Variants in CNTNAP4 observed in about 807,000 individuals in gnomAD.
The protein encoded by CNTNAP4 is contactin-associated protein-like 4.
In CNTNAP4, 98 loss-of-function variants were observed where a neutral mutation model predicts 148.4. The observed-to-expected ratio is 0.66, with a 90% CI of 0.56 to 0.78. The LOEUF (loss-of-function observed/expected upper bound fraction) is 0.78, where lower values mean the gene tolerates loss of function less well. Among genes scored for constraint, CNTNAP4 ranks in the 30% least tolerant of loss-of-function variants. The pLI is 0.00. For missense variants in CNTNAP4, 1,935 were observed against 1,565.6 expected, an observed-to-expected ratio of 1.24 and a Z score of -3.98; for synonymous variants, 730 against 565.1, an observed-to-expected ratio of 1.29 and a Z score of -4.14.
chr16:76,345,467 G>T (rs1238609605), intron 2 of CNTNAP4, among the ~76,000 whole-genome samples: 1 of 152,210 alleles, frequency 6.6e-6, no homozygotes, highest in Admixed American at 6.5e-5. Context: ...TGTGACAGAG[G>T]TCAAGAGTAT....
At position 76,507,239 on chromosome 16, in the gene CNTNAP4, T is replaced by A. The variant is rs1483633763; in HGVS notation, c.2365+8545T>A. 1.8e-4 allele frequency among the ~76,000 whole-genome samples: 18 copies of A among 97,458 alleles called. 8 individuals are homozygous for A. In the East Asian group the frequency reaches 9.5e-3, roughly 52 times the overall value. 63.9% of individuals were successfully genotyped at this position (97,458 alleles called of 152,430 possible). On this transcript the variant is annotated intron_variant, in intron 15 of 23. Transcript: ENST00000611870. ...TGTTACAAATAATCTAATTATACTA[T>A]TTTTGTTATTTTAAAATGTACAATT...
At chr16:76,458,831 A>G (rs1049554864) in intron 8 of CNTNAP4, among the ~76,000 whole-genome samples, 5 of 152,224 alleles carry the variant, frequency 3.3e-5, no homozygotes, top group African/African-American at 1.2e-4. Flanking sequence ...CTCTGGGTAT[A>G]GACCCAGTAA....
intron 14 of CNTNAP4, among the ~76,000 whole-genome samples, chr16:76,495,426 A>G (rs1333857689): frequency 6.6e-6 from 1 of 152,118 alleles, no homozygotes; most frequent in African/African-American, 2.4e-5. Flanking sequence ...TCTACCTATA[A>G]AAGCTTTAAA....
At chr16:76,318,571 T>C (rs562409175) in intron 2 of CNTNAP4, among the ~76,000 whole-genome samples, 3 of 151,966 alleles carry the variant, frequency 2.0e-5, no homozygotes, top group African/African-American at 7.2e-5. Flanking sequence ...GATTTAGGTT[T>C]TCTTTTTTTC....
intron 3 of CNTNAP4, among the ~76,000 whole-genome samples, chr16:76,405,743 C>T (rs1013048719): frequency 6.6e-6 from 1 of 151,768 alleles, no homozygotes; most frequent in Non-Finnish European, 1.5e-5. Context: ...TGTGGACCCT[C>T]AGAGTTCAAA....
chr16:76,521,391 G>C (rs748127201), intron 16 of CNTNAP4, 81 bp downstream of exon 16: 228 of 1,131,752 alleles, frequency 2.0e-4, no homozygotes, highest in Non-Finnish European at 2.7e-4. Context: ...AACTACTCAT[G>C]TGTCTACTTT....
chr16:76,532,523 TA>T (rs2084029117), intron 17 of CNTNAP4, among the ~76,000 whole-genome samples: 1 of 152,200 alleles, frequency 6.6e-6, no homozygotes, highest in Non-Finnish European at 1.5e-5. Context: ...GCCTGTGAGT[TA>T]GGGAGACTGT....
At chr16:76,368,800 A>G (rs973047741) in intron 3 of CNTNAP4, among the ~76,000 whole-genome samples, 1 of 152,190 alleles carries the variant, frequency 6.6e-6, no homozygotes, top group East Asian at 1.9e-4. Context: ...CTGCACGTGT[A>G]TCCCAGAACT....
chr16:76,434,794 G>A (rs1409781301), intron 4 of CNTNAP4, among the ~76,000 whole-genome samples: 1 of 152,192 alleles, frequency 6.6e-6, no homozygotes, highest in Non-Finnish European at 1.5e-5. Context: ...AAGTATGTCT[G>A]TGCCAATTAT....
intron 2 of CNTNAP4, among the ~76,000 whole-genome samples, chr16:76,319,925 A>G (rs1321230660): frequency 6.6e-6 from 1 of 152,194 alleles, no homozygotes; most frequent in Non-Finnish European, 1.5e-5. Flanking sequence ...GTACTTTGCT[A>G]CTGCAGCCCT....
intron 3 of CNTNAP4, among the ~76,000 whole-genome samples, chr16:76,367,081 T>C (rs918101542): frequency 1.3e-5 from 2 of 151,740 alleles, no homozygotes; most frequent in Admixed American, 6.6e-5. Flanking sequence ...TTATTGATAC[T>C]GGCACATTAA....
chr16:76,460,772 AAATATATAT>A (rs1438504197), intron 8 of CNTNAP4, among the ~76,000 whole-genome samples: 3 of 68,360 alleles, frequency 4.4e-5, no homozygotes, highest in Non-Finnish European at 9.6e-5. Context: ...AAAAAAAAAA[AAATATATAT>A]ATATATATAT....
At chr16:76,484,171 A>T (rs1041042623) in intron 12 of CNTNAP4, among the ~76,000 whole-genome samples, 1 of 145,886 alleles carries the variant, frequency 6.9e-6, no homozygotes. Flanking sequence ...AAGAGTGTGT[A>T]TGTGTGTGTG....
intron 1 of CNTNAP4, among the ~76,000 whole-genome samples, chr16:76,309,676 A>G (rs1597146396): frequency 1.3e-5 from 2 of 152,156 alleles, no homozygotes; most frequent in East Asian, 1.9e-4. Context: ...TCAAATCTCA[A>G]CTTGAATTGT....
intron 14 of CNTNAP4, among the ~76,000 whole-genome samples, chr16:76,498,209 G>A (rs959797377): frequency 3.3e-5 from 5 of 152,068 alleles, no homozygotes; most frequent in Admixed American, 6.5e-5. Flanking sequence ...TGGCCAACAT[G>A]GCAAAACCCT....
At position 76,353,794 on chromosome 16, in the gene CNTNAP4, A is replaced by G. The variant is rs190020549; in HGVS notation, c.197-1524A>G. On this transcript the variant is annotated intron_variant, in intron 2 of 23. Transcript: ENST00000611870. ...AGTAGCAGAGTTCTGCCCTTCATCT[A>G]TCAGAGTATCATTATGCTGTGTTCC... Among the ~76,000 whole-genome samples, 272 of 152,288 alleles carry G rather than the reference A, an allele frequency of 1.8e-3. 2 individuals carry two copies. Among genetic ancestry groups the G allele is most frequent in the African/African-American group, 6.3e-3 (262 of 41,568 alleles).
At chr16:76,510,509 T>C (rs2082974547) in intron 15 of CNTNAP4, among the ~76,000 whole-genome samples, 1 of 152,180 alleles carries the variant, frequency 6.6e-6, no homozygotes, top group South Asian at 2.1e-4. Flanking sequence ...CTCTTCGGTA[T>C]GTACCTAGGA....
intron 3 of CNTNAP4, among the ~76,000 whole-genome samples, chr16:76,410,541 A>T (rs1345059264): frequency 1.3e-5 from 2 of 151,712 alleles, no homozygotes; most frequent in Non-Finnish European, 3.0e-5. Context: ...TAAGCAGTTT[A>T]CACCAGTCTA....
At chr16:76,361,601 A>T (rs2013447298) in intron 3 of CNTNAP4, among the ~76,000 whole-genome samples, 1 of 152,164 alleles carries the variant, frequency 6.6e-6, no homozygotes, top group Non-Finnish European at 1.5e-5. Context: ...CGCTGTTGTA[A>T]ATAATGATGC....
Sources: allele counts gnomAD v4.1 joint callset (sites outside exome capture counted in the v4.1 genomes callset), GRCh38; gene constraint gnomAD v4.1.1; transcripts MANE v1.5; gene names NCBI Gene and HGNC (gene_info 2026-07-23, HGNC 2026-07-21).